HK2: variants seen among roughly 807,000 people sequenced by gnomAD.
The protein encoded by HK2 is hexokinase 2.
HK2 carries 42 observed loss-of-function variants against 92.9 expected under a neutral mutation model. The ratio of observed to expected loss-of-function variants is 0.45; its 90% CI spans 0.35 to 0.58. HK2 has a LOEUF of 0.58. Among genes scored for constraint, HK2 ranks in the 20% least tolerant of loss-of-function variants. The pLI is 0.00. For synonymous variants in HK2, 422 were observed against 468.0 expected, an observed-to-expected ratio of 0.90 and a Z score of 1.27; for missense variants, 978 against 1,245.1, an observed-to-expected ratio of 0.79 and a Z score of 3.23.
chr2:74,874,123 C>T (rs1689166324), intron 6 of HK2, 143 bp from the exon 7 acceptor site: 4 of 1,089,102 alleles, frequency 3.7e-6, no homozygotes, highest in Non-Finnish European at 5.6e-6. Flanking sequence ...GAAGATTAGA[C>T]CATGTATTGT....
intron 8 of HK2, 78 bp downstream of exon 8, chr2:74,877,399 T>C: frequency 6.6e-7 from 1 of 1,526,290 alleles, no homozygotes; most frequent in East Asian, 2.3e-5. Context: ...AGGAGGGGGC[T>C]GTACCTTTTG....
At chr2:74,877,137 T>G in intron 7 of HK2, 29 bp from the exon 8 acceptor site, 1 of 1,612,930 alleles carries the variant, frequency 6.2e-7, no homozygotes, top group Non-Finnish European at 8.5e-7. Context: ...AGTGGGGACT[T>G]TATGTTTTTG....
At chr2:74,865,344 T>G (rs1244539185) in intron 2 of HK2, among the ~76,000 whole-genome samples, 2 of 152,092 alleles carry the variant, frequency 1.3e-5, no homozygotes, top group Admixed American at 6.5e-5. Context: ...TTGGTGGAGC[T>G]GTGGCCTCTG....
intron 2 of HK2, among the ~76,000 whole-genome samples, chr2:74,865,861 A>G (rs1688933188): frequency 2.0e-5 from 3 of 152,072 alleles, no homozygotes; most frequent in African/African-American, 7.3e-5. Flanking sequence ...GAGAGTACCT[A>G]GTACTTACTG....
chr2:74,872,277 C>T, intron 3 of HK2, 23 bp from the exon 4 acceptor site: 1 of 1,613,544 alleles, frequency 6.2e-7, no homozygotes, highest in Non-Finnish European at 8.5e-7. Context: ...CTCTGCTCAC[C>T]ACCCTGTGTC....
chr2:74,858,736 G>A (rs1261829907), intron 2 of HK2, among the ~76,000 whole-genome samples: 3 of 152,202 alleles, frequency 2.0e-5, no homozygotes, highest in African/African-American at 7.2e-5. Flanking sequence ...TCTTATACCA[G>A]CTCCAATTAT....
chr2:74,852,198 G>T (rs973961198), intron 1 of HK2, among the ~76,000 whole-genome samples: 2 of 152,238 alleles, frequency 1.3e-5, no homozygotes, highest in Non-Finnish European at 2.9e-5. Flanking sequence ...TGCCCATGAG[G>T]ACATCTCAGG....
At chr2:74,872,857 C>T (rs1326083113) in intron 4 of HK2, among the ~76,000 whole-genome samples, 1 of 152,180 alleles carries the variant, frequency 6.6e-6, no homozygotes, top group African/African-American at 2.4e-5. Context: ...TGCACTTACA[C>T]AAACCTAGAT....
intron 8 of HK2, among the ~76,000 whole-genome samples, chr2:74,878,164 C>T (rs371355077): frequency 1.3e-5 from 2 of 152,174 alleles, no homozygotes; most frequent in African/African-American, 4.8e-5. Context: ...CAAGCTAAAG[C>T]AGTGCCAAGT....
chr2:74,859,607 C>T (rs1012039869), intron 2 of HK2, among the ~76,000 whole-genome samples: 2 of 152,070 alleles, frequency 1.3e-5, no homozygotes, highest in South Asian at 4.2e-4. Flanking sequence ...AGCATTCCAG[C>T]CTGGGCCACA....
At chr2:74,851,009 C>A (rs1180059902) in intron 1 of HK2, among the ~76,000 whole-genome samples, 3 of 152,148 alleles carry the variant, frequency 2.0e-5, no homozygotes, top group Non-Finnish European at 1.5e-5. Flanking sequence ...GTTTCATATC[C>A]ACAGCTGTTT....
chr2:74,878,655 CA>C (rs755992893), intron 8 of HK2, 32 bp from the exon 9 acceptor site: 21 of 1,529,452 alleles, frequency 1.4e-5, no homozygotes, highest in Non-Finnish European at 1.8e-5. Flanking sequence ...GTGGGTCAGA[CA>C]CAGGCCCACA....
At position 74,890,928 on chromosome 2, in the gene HK2, C is replaced by G; in HGVS notation, c.2741C>G (p.Ala914Gly). The G allele has an allele frequency of 6.2e-7, 1 of 1,614,208 alleles. No homozygotes were observed. The highest frequency in any genetic ancestry group is 8.5e-7 in the Non-Finnish European group (1 of 1,180,046). The change falls in exon 18 of 18, where the codon GCT becomes GGT. Residue 914 changes from alanine to glycine, a missense_variant. By Grantham distance (60) the Ala-to-Gly change is moderately conservative (BLOSUM62 0). Coordinates refer to ENST00000290573, the MANE Select transcript of HK2 (RefSeq NM_000189.5). ...ITAVACRIRE[A>G]GQR is the part of the protein sequence containing the mutation. ...GCTGTGGCCTGCCGCATCCGTGAGG[C>G]TGGACAGCGATAGAACCCCTGAAAT...
In HK2 at chr2:74,882,257, G is replaced by A; in HGVS notation, c.1839+18G>A. 1 of 1,613,864 alleles carries A rather than the reference G, an allele frequency of 6.2e-7. No homozygotes were observed. The highest frequency in any genetic ancestry group is 1.1e-5 in the South Asian group (1 of 91,066). On this transcript the variant is annotated intron_variant, in intron 12 of 17. Coordinates refer to ENST00000290573, the MANE Select transcript of HK2 (RefSeq NM_000189.5). Reference sequence around the variant, plus strand: ...TGGACGAGGTAACAGCACCTTCCTGGAGGGCTCTCCTGTGGGCTTTATTGA... The same window carrying A: ...TGGACGAGGTAACAGCACCTTCCTGAAGGGCTCTCCTGTGGGCTTTATTGA...
rs1688115678 is a variant in HK2 at position 74,834,898 on chromosome 2, A to G, written c.63+255A>G. ...CCTCCCTGAGCTCCGGCACGCGCTCACGCTCTCTCCCCCAGTCCCTTTTTC... is the reference window on the plus strand; with the variant it reads ...CCTCCCTGAGCTCCGGCACGCGCTCGCGCTCTCTCCCCCAGTCCCTTTTTC... On this transcript the variant is annotated intron_variant, in intron 1 of 17. Coordinates refer to ENST00000290573, the MANE Select transcript of HK2 (RefSeq NM_000189.5). This position sits in a 1 kb window ranked among gnomAD's most constrained non-coding sequence, Gnocchi z 4.2. Among the ~76,000 whole-genome samples, 1 of 152,148 alleles carries G rather than the reference A, an allele frequency of 6.6e-6. No individual in the cohort carries two copies. Among genetic ancestry groups the G allele is most frequent in the Non-Finnish European group, 1.5e-5 (1 of 68,016 alleles).
At chr2:74,853,061 G>A (rs1439524152) in intron 1 of HK2, among the ~76,000 whole-genome samples, 1 of 152,168 alleles carries the variant, frequency 6.6e-6, no homozygotes, top group African/African-American at 2.4e-5. Flanking sequence ...ATGAGAAGAG[G>A]CCTCTACAGA....
chr2:74,873,817 T>A, intron 5 of HK2, 27 bp from the exon 6 acceptor site: 1 of 1,549,940 alleles, frequency 6.5e-7, no homozygotes, highest in Non-Finnish European at 8.9e-7. Flanking sequence ...ATGATGAAGG[T>A]CAGAGCCCTC....
chr2:74,844,122 T>C lies in HK2; in HGVS notation c.63+9479T>C, dbSNP rs938772767. Among the ~76,000 whole-genome samples, 7 of 152,240 alleles carry C rather than the reference T, an allele frequency of 4.6e-5. No homozygotes were observed. The South Asian group carries it at 1.2e-3, about 27-fold the overall frequency. ...GACAACTATGTTTCAGTTTCACTTA[T>C]GTTTCAGTTTCATGGGGTTATGAGT... On this transcript the variant is annotated intron_variant, in intron 1 of 17. Coordinates refer to ENST00000290573, the MANE Select transcript of HK2 (RefSeq NM_000189.5).
At chr2:74,883,368 A>G (rs554037962) in intron 12 of HK2, among the ~76,000 whole-genome samples, 1 of 152,280 alleles carries the variant, frequency 6.6e-6, no homozygotes, top group East Asian at 1.9e-4. Context: ...ATCCGAGTGC[A>G]TACCTGGGGG....
Sources: allele counts gnomAD v4.1 joint callset (sites outside exome capture counted in the v4.1 genomes callset), GRCh38; gene constraint gnomAD v4.1.1; non-coding constraint Gnocchi (gnomAD v3.1); transcripts MANE v1.5; gene names NCBI Gene and HGNC (gene_info 2026-07-23, HGNC 2026-07-21).